CHMP5: variants seen among roughly 807,000 people sequenced by gnomAD.
CHMP5 encodes the protein charged multivesicular body protein 5, also known as SNF7 domain containing 2.
Under a neutral mutation model 33.0 loss-of-function variants are expected in CHMP5, and 17 were observed. That is an observed-to-expected ratio of 0.52 (90% CI 0.35 to 0.77). The LOEUF (loss-of-function observed/expected upper bound fraction) is 0.77, where lower values mean the gene tolerates loss of function less well. Ranked by LOEUF, CHMP5 falls within the 30% of genes least tolerant of loss-of-function variation. The probability of loss-of-function intolerance (pLI) is 0.01; values close to 1 mark genes in which losing one functional copy is unlikely to be tolerated. For synonymous variants in CHMP5, 76 were observed against 90.2 expected, an observed-to-expected ratio of 0.84 and a Z score of 0.89; for missense variants, 216 against 261.5, an observed-to-expected ratio of 0.83 and a Z score of 1.20.
rs528307099 is a variant in CHMP5, at chr9:33,271,034, G to A, written c.316-118G>A. On this transcript the variant is annotated intron_variant, in intron 4 of 7. Coordinates refer to ENST00000223500, the MANE Select transcript of CHMP5 (RefSeq NM_016410.6). ...GAGGCGGAGGTTGCAGTGAGCCATT[G>A]CACTCCAGCCTGGGCAGCAAGAGTG... is the stretch of plus-strand genomic sequence containing the variant. The A allele has an allele frequency of 3.1e-5, 24 of 781,878 alleles. 2 individuals carry two copies. The South Asian group carries it at 4.1e-4, about 13-fold the overall frequency. The allele number at this position is 781,878 out of a possible 1,614,324, so 48.4% of individuals were successfully genotyped here.
At chr9:33,275,947 T>TG (rs1820849779) in intron 5 of CHMP5, among the ~76,000 whole-genome samples, 1 of 152,160 alleles carries the variant, frequency 6.6e-6, no homozygotes, top group Admixed American at 6.5e-5. Flanking sequence ...AAGTGAAGGT[T>TG]GCAGTGAGCT....
At chr9:33,276,235 G>C (rs1820852530) in intron 5 of CHMP5, among the ~76,000 whole-genome samples, 1 of 152,188 alleles carries the variant, frequency 6.6e-6, no homozygotes, top group Admixed American at 6.5e-5. Context: ...TCCTTTAGAG[G>C]AGTGTCTGCT....
At chr9:33,273,197 C>G (rs532121514) in intron 5 of CHMP5, among the ~76,000 whole-genome samples, 1 of 152,284 alleles carries the variant, frequency 6.6e-6, no homozygotes, top group South Asian at 2.1e-4. Context: ...GTCTCAAACT[C>G]CTGACCTCAA....
At chr9:33,268,869 T>C (rs1820759881) in intron 3 of CHMP5, among the ~76,000 whole-genome samples, 1 of 152,244 alleles carries the variant, frequency 6.6e-6, no homozygotes, top group Non-Finnish European at 1.5e-5. Flanking sequence ...ACGTGGTATG[T>C]GTGCATATAA....
At chr9:33,271,128 G>A (rs1820788976) in intron 4 of CHMP5, 24 bp from the exon 5 acceptor site, 1 of 1,545,328 alleles carries the variant, frequency 6.5e-7, no homozygotes, top group Admixed American at 1.7e-5. Flanking sequence ...CTAAAACATT[G>A]TGTTTTCTTC....
rs1297297847 is a variant in CHMP5 at position 33,266,081 on chromosome 9, T to C, written c.141T>C (p.Asp47=). The C allele has an allele frequency of 6.2e-7, 1 of 1,613,006 alleles. No individual in the cohort carries two copies. The highest frequency in any genetic ancestry group is 1.3e-5 in the African/African-American group (1 of 74,870). ...RLDAELVKYK[D]QIKKMREGPA... ...ATGCTGAGCTAGTGAAGTATAAGGATCAGATCAAGAAGATGAGAGAGGGTC... is the reference window on the plus strand; with the variant it reads ...ATGCTGAGCTAGTGAAGTATAAGGACCAGATCAAGAAGATGAGAGAGGGTC... Residue 47 remains aspartate, a synonymous_variant, in exon 2 of 8, where the codon GAT becomes GAC. Coordinates refer to ENST00000223500, the MANE Select transcript of CHMP5 (RefSeq NM_016410.6).
intron 3 of CHMP5, among the ~76,000 whole-genome samples, chr9:33,270,008 C>G (rs1394661530): frequency 1.3e-5 from 2 of 152,090 alleles, no homozygotes; most frequent in Non-Finnish European, 2.9e-5. Flanking sequence ...CAGAAAAAAG[C>G]AAATGCTATA....
intron 7 of CHMP5, among the ~76,000 whole-genome samples, chr9:33,279,068 G>T (rs1036927937): frequency 6.6e-6 from 1 of 152,088 alleles, no homozygotes; most frequent in Admixed American, 6.5e-5. Flanking sequence ...GCGATTACAG[G>T]TGCGCGCCAA....
chr9:33,275,708 G>A (rs190281743), intron 5 of CHMP5, among the ~76,000 whole-genome samples: 25 of 152,190 alleles, frequency 1.6e-4, no homozygotes, highest in African/African-American at 4.6e-4. Flanking sequence ...GCTTCCATGA[G>A]GCACTTTAAA....
chr9:33,281,520 T>G lies in CHMP5; in HGVS notation c.*661T>G, dbSNP rs1820922322. 6.6e-6 allele frequency: 1 copy of G among 152,660 alleles called. No individual in the cohort carries two copies. The allele number at this position is 152,660 out of a possible 1,614,324, so 9.5% of individuals were successfully genotyped here. On this transcript the variant is annotated 3_prime_UTR_variant, in exon 8 of 8. Transcript: ENST00000223500. ...TAAATATTTTTCAAAAGGATATAAT[T>G]TTAATAATATCACTTCAGCTTAAAA...
rs185226300 is a variant in CHMP5 at position 33,276,994 on chromosome 9, G to C, written c.496+430G>C. On this transcript the variant is annotated intron_variant, in intron 6 of 7. Coordinates refer to ENST00000223500, the MANE Select transcript of CHMP5 (RefSeq NM_016410.6). ...CGGATCCACTCAAGCCCAGGAGTTC[G>C]AGACCTGGCTGAGCAATATGGCGTC... Among the ~76,000 whole-genome samples, 7 of 152,054 alleles carry C rather than the reference G, an allele frequency of 4.6e-5. No individual in the cohort carries two copies. The East Asian group carries it at 1.4e-3, about 29-fold the overall frequency.
chr9:33,275,867 A>C (rs1820848339), intron 5 of CHMP5, among the ~76,000 whole-genome samples: 2 of 152,160 alleles, frequency 1.3e-5, no homozygotes, highest in African/African-American at 4.8e-5. Flanking sequence ...AAAATTAGCT[A>C]GGCGTGGTGG....
At chr9:33,265,194 C>A (rs768194877) in intron 1 of CHMP5, 47 bp downstream of exon 1, 1 of 1,578,684 alleles carries the variant, frequency 6.3e-7, no homozygotes, top group South Asian at 1.1e-5. Context: ...TCTGACACAC[C>A]CGACCCCGCC....
chr9:33,276,726 G>A (rs1381913036), intron 6 of CHMP5, among the ~76,000 whole-genome samples, 162 bp downstream of exon 6: 2 of 152,228 alleles, frequency 1.3e-5, no homozygotes, highest in Non-Finnish European at 2.9e-5. Context: ...AGCCACATCA[G>A]ATTGCATACT....
chr9:33,279,113 C>T (rs780878103), intron 7 of CHMP5, among the ~76,000 whole-genome samples: 2 of 151,982 alleles, frequency 1.3e-5, no homozygotes, highest in Admixed American at 6.6e-5. Flanking sequence ...TTAGTAGAGA[C>T]GGGGTTTCAC....
intron 5 of CHMP5, among the ~76,000 whole-genome samples, chr9:33,274,872 T>C (rs1820834396): frequency 6.6e-6 from 1 of 152,206 alleles, no homozygotes; most frequent in Non-Finnish European, 1.5e-5. Flanking sequence ...CACTTTGGCC[T>C]CCTGAAGTGC....
rs1193495433 is a variant in CHMP5, at chr9:33,281,172, C to G, written c.*313C>G. ...ACTAAGGAAATGGAATCTTAAAAGT[C>G]TATGACAGTGTAACTCTACAGTCTC... On this transcript the variant is annotated 3_prime_UTR_variant, in exon 8 of 8. Transcript: ENST00000223500. 3.9e-6 allele frequency: 1 copy of G among 258,978 alleles called. No individual in the cohort carries two copies. Among genetic ancestry groups the G allele is most frequent in the Non-Finnish European group, 7.3e-6 (1 of 137,314 alleles). 16.0% of individuals were successfully genotyped at this position (258,978 alleles called of 1,614,324 possible). A position where few individuals can be genotyped will look rare whatever the true frequency, so the allele number is the denominator to read the frequency against.
chr9:33,280,884 G>T lies in CHMP5; in HGVS notation c.*25G>T. ...GATTTGCATCATTCAAGCATATCTT[G>T]TAAAACAAACACATATTATGGGACT... is the stretch of plus-strand genomic sequence containing the variant. On this transcript the variant is annotated 3_prime_UTR_variant, in exon 8 of 8. Transcript: ENST00000223500. 1.3e-6 allele frequency: 2 copies of T among 1,588,612 alleles called. No homozygotes were observed. Among genetic ancestry groups the T allele is most frequent in the Non-Finnish European group, 1.7e-6 (2 of 1,165,548 alleles).
In CHMP5 at chr9:33,276,583, A is replaced by G. The variant is rs760289520; in HGVS notation, c.496+19A>G. On this transcript the variant is annotated intron_variant, in intron 6 of 7. Coordinates refer to ENST00000223500, the MANE Select transcript of CHMP5 (RefSeq NM_016410.6). The stretch of plus-strand genomic sequence containing the variant: ...GAAGCAGGTAAGTTATGAGAAAAGT[A>G]ATGTATATTTAGTTTTGGAGTCCAA... 7.1e-7 allele frequency: 1 copy of G among 1,405,232 alleles called. No homozygotes were observed. Among genetic ancestry groups the G allele is most frequent in the East Asian group, 2.3e-5 (1 of 43,732 alleles). 87.0% of individuals were successfully genotyped at this position (1,405,232 alleles called of 1,614,324 possible).
Sources: gnomAD v4.1 joint callset for allele counts (sites outside exome capture counted in the v4.1 genomes callset) on GRCh38, gnomAD v4.1.1 for gene constraint, MANE v1.5 for transcripts, NCBI Gene and HGNC (gene_info 2026-07-23, HGNC 2026-07-21) for gene names.